HIBADH: variants seen among roughly 807,000 people sequenced by gnomAD.
The protein encoded by HIBADH is 3-hydroxyisobutyrate dehydrogenase, also known as 3-hydroxyisobutyrate dehydrogenase, mitochondrial.
A neutral mutation model predicts 36.1 loss-of-function variants in HIBADH; 25 were observed. The observed-to-expected ratio is 0.69, with a 90% CI of 0.50 to 0.97. The LOEUF is 0.97. Ranked by LOEUF, HIBADH falls within the 50% of genes least tolerant of loss-of-function variation. The pLI is 0.00. For synonymous variants in HIBADH, 160 were observed against 149.5 expected (o/e 1.07, Z -0.51); for missense variants, 421 against 418.0 (o/e 1.01, Z -0.06).
At chr7:27,544,088 G>A (rs1373085177) in intron 4 of HIBADH, among the ~76,000 whole-genome samples, 1 of 152,128 alleles carries the variant, frequency 6.6e-6, no homozygotes, top group East Asian at 1.9e-4. Flanking sequence ...TTACAGTACA[G>A]TAAGAACAAA....
At chr7:27,530,085 G>A (rs2080246) in intron 7 of HIBADH, among the ~76,000 whole-genome samples, 115,663 of 152,250 alleles carry the variant, frequency 0.76, 44,430 homozygotes, top group East Asian at 0.94. Flanking sequence ...TAGTATAAAC[G>A]TAATTTTTAT....
At chr7:27,568,309 TA>T (rs1192523395) in intron 4 of HIBADH, among the ~76,000 whole-genome samples, 1 of 152,216 alleles carries the variant, frequency 6.6e-6, no homozygotes, top group Non-Finnish European at 1.5e-5. Context: ...TTTTGTCACA[TA>T]TAAAATTCTG....
At chr7:27,530,815 G>A (rs1447166158) in intron 7 of HIBADH, among the ~76,000 whole-genome samples, 1 of 152,120 alleles carries the variant, frequency 6.6e-6, no homozygotes, top group Non-Finnish European at 1.5e-5. Flanking sequence ...TATATGCACT[G>A]CCAGTGTATT....
chr7:27,631,911 A>C (rs1275618136), intron 3 of HIBADH, among the ~76,000 whole-genome samples: 1 of 152,204 alleles, frequency 6.6e-6, no homozygotes, highest in Non-Finnish European at 1.5e-5. Context: ...AACCCACAGG[A>C]CATAACTTTT....
At chr7:27,571,891 G>A (rs954858097) in intron 4 of HIBADH, among the ~76,000 whole-genome samples, 3 of 152,170 alleles carry the variant, frequency 2.0e-5, no homozygotes, top group Non-Finnish European at 2.9e-5. Context: ...AGCTACTATT[G>A]TAAAGATTCA....
chr7:27,661,995 T>C (rs1786432124), intron 1 of HIBADH, among the ~76,000 whole-genome samples: 1 of 152,180 alleles, frequency 6.6e-6, no homozygotes, highest in Non-Finnish European at 1.5e-5. Flanking sequence ...CTTTGTAAGT[T>C]CATGGCTAGC....
chr7:27,611,527 C>T (rs1050203842), intron 4 of HIBADH, among the ~76,000 whole-genome samples: 4 of 151,754 alleles, frequency 2.6e-5, no homozygotes, highest in Admixed American at 6.6e-5. Flanking sequence ...CACCCACACA[C>T]GTGTATGTAT....
At chr7:27,630,435 C>T (rs910450320) in intron 3 of HIBADH, among the ~76,000 whole-genome samples, 110 of 152,220 alleles carry the variant, frequency 7.2e-4, no homozygotes, top group African/African-American at 2.5e-3. Context: ...GCTACTGTGC[C>T]TGGCCAAACT....
intron 4 of HIBADH, among the ~76,000 whole-genome samples, chr7:27,568,736 G>A (rs1043645800): frequency 1.3e-5 from 2 of 152,110 alleles, no homozygotes; most frequent in African/African-American, 2.4e-5. Context: ...CTCCCAAAGT[G>A]CTGGGATTAC....
At chr7:27,647,707 G>T (rs934677703) in intron 2 of HIBADH, 4 of 417,216 alleles carry the variant, frequency 9.6e-6, no homozygotes, top group African/African-American at 6.3e-5. Context: ...TAAGAAACTT[G>T]TTGGGAAACA....
At chr7:27,542,728 A>G (rs1784173977) in intron 5 of HIBADH, among the ~76,000 whole-genome samples, 1 of 152,144 alleles carries the variant, frequency 6.6e-6, no homozygotes, top group Non-Finnish European at 1.5e-5. Context: ...TTGGGATTAC[A>G]GGCATGAGCC....
intron 4 of HIBADH, among the ~76,000 whole-genome samples, chr7:27,559,580 T>A (rs1784436676): frequency 6.6e-6 from 1 of 151,940 alleles, no homozygotes. Context: ...TGCAGTGAGG[T>A]ATGATCACTC....
At chr7:27,597,910 A>T (rs866432107) in intron 4 of HIBADH, among the ~76,000 whole-genome samples, 4 of 152,166 alleles carry the variant, frequency 2.6e-5, no homozygotes, top group Non-Finnish European at 5.9e-5. Flanking sequence ...CACCCCACAG[A>T]CTCAGTTCAG....
At chr7:27,580,497 G>T (rs1257294714) in intron 4 of HIBADH, among the ~76,000 whole-genome samples, 1 of 152,156 alleles carries the variant, frequency 6.6e-6, no homozygotes, top group Non-Finnish European at 1.5e-5. Flanking sequence ...TAAATCAGCA[G>T]AAAACTCTTT....
intron 2 of HIBADH, among the ~76,000 whole-genome samples, chr7:27,644,920 G>GT (rs1382627912): frequency 2.0e-5 from 3 of 152,138 alleles, no homozygotes; most frequent in Admixed American, 6.5e-5. Context: ...ATAGTATGTG[G>GT]TTTTTTGTGA....
intron 4 of HIBADH, among the ~76,000 whole-genome samples, chr7:27,563,877 CAG>C (rs1479455403): frequency 6.7e-6 from 1 of 150,340 alleles, no homozygotes; most frequent in Non-Finnish European, 1.5e-5. Context: ...AGTGTTTTAG[CAG>C]AGGAGAAGTT....
chr7:27,660,303 C>CT (rs1397260321), intron 1 of HIBADH, among the ~76,000 whole-genome samples: 1 of 152,148 alleles, frequency 6.6e-6, no homozygotes, highest in African/African-American at 2.4e-5. Context: ...CTTTAAGAAT[C>CT]TAATGTCAGA....
At chr7:27,553,533 A>G (rs1784349125) in intron 4 of HIBADH, among the ~76,000 whole-genome samples, 1 of 152,246 alleles carries the variant, frequency 6.6e-6, no homozygotes, top group Non-Finnish European at 1.5e-5. Flanking sequence ...AATGTTCCGC[A>G]TGGAGCTGGC....
At chr7:27,625,482 A>C (rs1472323023) in intron 4 of HIBADH, among the ~76,000 whole-genome samples, 2 of 152,182 alleles carry the variant, frequency 1.3e-5, no homozygotes, top group Non-Finnish European at 2.9e-5. Context: ...AAACTTAAAA[A>C]AAAAAGCATG....
Sources: allele counts gnomAD v4.1 joint callset (sites outside exome capture counted in the v4.1 genomes callset), GRCh38; gene constraint gnomAD v4.1.1; transcripts MANE v1.5; gene names NCBI Gene and HGNC (gene_info 2026-07-23, HGNC 2026-07-21).